The following RNGTT variants were observed in gnomAD, a reference collection of about 807,000 sequenced individuals.
RNGTT encodes the protein RNA guanylyltransferase and 5'-phosphatase, also known as mRNA-capping enzyme.
A neutral mutation model predicts 79.3 loss-of-function variants in RNGTT; 33 were observed. That is an observed-to-expected ratio of 0.42 (90% CI 0.32 to 0.56). The LOEUF is 0.56. Ranked by LOEUF, RNGTT falls within the 20% of genes least tolerant of loss-of-function variation. The pLI, the probability that RNGTT is intolerant of heterozygous loss-of-function variation, is 0.17. For missense variants in RNGTT, 497 were observed against 739.1 expected (o/e 0.67, Z 3.80); for synonymous variants, 222 against 235.9 (o/e 0.94, Z 0.54).
intron 13 of RNGTT, among the ~76,000 whole-genome samples, chr6:88,761,042 CACACACACACAT>C (rs1163077471): frequency 6.6e-6 from 1 of 150,844 alleles, no homozygotes; most frequent in African/African-American, 2.4e-5. Context: ...CACACACACA[CACACACACACAT>C]ACACTCTAGT....
At position 88,611,153 on chromosome 6, in the gene RNGTT, T is replaced by C. The variant is rs541960350; in HGVS notation, c.*1566A>G. The C allele has an allele frequency of 2.6e-5, 4 of 152,530 alleles. No individual in the cohort carries two copies. Among genetic ancestry groups the C allele is most frequent in the Non-Finnish European group, 4.4e-5 (3 of 68,036 alleles). 9.4% of individuals were successfully genotyped at this position (152,530 alleles called of 1,614,324 possible). The stretch of plus-strand genomic sequence containing the variant: ...GAACAACGAAGAAAAAAGCCCAAGC[T>C]TGACTCAACTATTTCATATAGAAAA... On this transcript the variant is annotated 3_prime_UTR_variant, in exon 16 of 16. Coordinates refer to ENST00000369485, the MANE Select transcript of RNGTT (RefSeq NM_003800.5).
intron 13 of RNGTT, among the ~76,000 whole-genome samples, chr6:88,720,924 T>C (rs1252800151): frequency 6.6e-6 from 1 of 152,090 alleles, no homozygotes; most frequent in Non-Finnish European, 1.5e-5. Flanking sequence ...CGTCAAACCA[T>C]GTTTTTTATG....
intron 13 of RNGTT, among the ~76,000 whole-genome samples, chr6:88,682,875 A>G (rs1301954549): frequency 6.6e-6 from 1 of 152,228 alleles, no homozygotes; most frequent in Non-Finnish European, 1.5e-5. Context: ...ACAGAAGTGT[A>G]CTTATAAATA....
At chr6:88,659,016 G>A (rs543453093) in intron 14 of RNGTT, among the ~76,000 whole-genome samples, 1 of 152,314 alleles carries the variant, frequency 6.6e-6, no homozygotes, top group Non-Finnish European at 1.5e-5. Flanking sequence ...GATCGTGTGA[G>A]TCAATTCTCC....
chr6:88,841,356 C>T (rs993355597), intron 11 of RNGTT, among the ~76,000 whole-genome samples: 2 of 152,108 alleles, frequency 1.3e-5, no homozygotes, highest in Admixed American at 6.6e-5. Context: ...CTCAATAGTG[C>T]TAGGATTACT....
intron 8 of RNGTT, among the ~76,000 whole-genome samples, chr6:88,876,287 G>A (rs1333824738): frequency 1.3e-5 from 2 of 152,162 alleles, no homozygotes; most frequent in Non-Finnish European, 2.9e-5. Context: ...CCAACACTTT[G>A]GGAGGCCAAG....
In RNGTT at chr6:88,874,879, A is replaced by G. The variant is rs115519740; in HGVS notation, c.896+15616T>C. ...ACTCTTAAAATCAAAACAAGCAGTC[A>G]TATTTCATATACAGTATCAAGTAAT... On this transcript the variant is annotated intron_variant, in intron 8 of 15. Coordinates refer to ENST00000369485, the MANE Select transcript of RNGTT (RefSeq NM_003800.5). Among the ~76,000 whole-genome samples the G allele has an allele frequency of 6.7e-3, 1,025 of 152,270 alleles. 14 individuals carry two copies. Among genetic ancestry groups the G allele is most frequent in the African/African-American group, 0.024 (982 of 41,572 alleles).
intron 11 of RNGTT, among the ~76,000 whole-genome samples, chr6:88,839,985 A>C (rs1321184067): frequency 6.6e-6 from 1 of 152,216 alleles, no homozygotes; most frequent in African/African-American, 2.4e-5. Context: ...AATCAGAATC[A>C]TCTTTGAGAT....
At chr6:88,880,075 T>C (rs1782647138) in intron 8 of RNGTT, among the ~76,000 whole-genome samples, 1 of 152,162 alleles carries the variant, frequency 6.6e-6, no homozygotes, top group Non-Finnish European at 1.5e-5. Context: ...AAAGCTGGAT[T>C]ACAGGAAAAA....
intron 11 of RNGTT, among the ~76,000 whole-genome samples, chr6:88,835,439 T>A (rs1415478044): frequency 6.6e-6 from 1 of 152,032 alleles, no homozygotes; most frequent in African/African-American, 2.4e-5. Context: ...AAAGTAAACA[T>A]GAGAAATTTG....
chr6:88,613,268 A>G (rs1225867331), intron 15 of RNGTT, among the ~76,000 whole-genome samples: 2 of 152,238 alleles, frequency 1.3e-5, no homozygotes, highest in African/African-American at 4.8e-5. Context: ...TTCTCTCAGA[A>G]AGAAGTCTAC....
chr6:88,754,806 A>T (rs1562235267), intron 13 of RNGTT, among the ~76,000 whole-genome samples: 1 of 152,240 alleles, frequency 6.6e-6, no homozygotes, highest in Non-Finnish European at 1.5e-5. Context: ...CCTGCTGCAG[A>T]TAACTAGCCA....
chr6:88,956,963 G>A (rs968842706), intron 1 of RNGTT, among the ~76,000 whole-genome samples: 1 of 152,176 alleles, frequency 6.6e-6, no homozygotes, highest in Admixed American at 6.5e-5. Context: ...AACCCGGGAG[G>A]CAGAGGTTGC....
At chr6:88,680,620 TAATCCCAGC>T (rs1252907194) in intron 13 of RNGTT, among the ~76,000 whole-genome samples, 1 of 151,720 alleles carries the variant, frequency 6.6e-6, no homozygotes, top group East Asian at 1.9e-4. Context: ...CGCATGCTTG[TAATCCCAGC>T]TACTCAGGAG....
chr6:88,652,858 T>C (rs1009734262), intron 14 of RNGTT, among the ~76,000 whole-genome samples: 6 of 151,910 alleles, frequency 3.9e-5, no homozygotes, highest in African/African-American at 1.5e-4. Context: ...GGAGGGAGAG[T>C]TATTTTGTTT....
intron 4 of RNGTT, among the ~76,000 whole-genome samples, chr6:88,913,227 CAAAA>C (rs869096332): frequency 5.4e-5 from 6 of 110,300 alleles, no homozygotes; most frequent in Non-Finnish European, 1.1e-4. Context: ...AAAAAAAAAA[CAAAA>C]AAAAAAAAGC....
intron 11 of RNGTT, 44 bp downstream of exon 11, chr6:88,844,313 A>G (rs774977002): frequency 3.7e-5 from 57 of 1,534,746 alleles, no homozygotes; most frequent in Non-Finnish European, 4.9e-5. Context: ...AAGCTGAATT[A>G]TGAGACATTA....
At chr6:88,853,439 A>G (rs1490773189) in intron 9 of RNGTT, among the ~76,000 whole-genome samples, 190 bp downstream of exon 9, 3 of 151,740 alleles carry the variant, frequency 2.0e-5, no homozygotes, top group Non-Finnish European at 1.5e-5. Flanking sequence ...CAGGAGGCAA[A>G]GGTTGCAGTG....
intron 12 of RNGTT, among the ~76,000 whole-genome samples, chr6:88,777,829 T>A (rs977437281): frequency 6.6e-6 from 1 of 152,218 alleles, no homozygotes; most frequent in African/African-American, 2.4e-5. Flanking sequence ...TCCAGTATTA[T>A]GTTGAATAGA....
Sources: allele counts gnomAD v4.1 joint callset (sites outside exome capture counted in the v4.1 genomes callset), GRCh38; gene constraint gnomAD v4.1.1; transcripts MANE v1.5; gene names NCBI Gene and HGNC (gene_info 2026-07-23, HGNC 2026-07-21).